The following UVRAG variants were observed in gnomAD, a reference collection of about 807,000 sequenced individuals.
UVRAG encodes UV radiation resistance associated.
In UVRAG, 19 loss-of-function variants were observed where a neutral mutation model predicts 78.0. That is an observed-to-expected ratio of 0.24 (90% CI 0.17 to 0.36). The LOEUF is 0.36. Ranked by LOEUF, UVRAG falls within the 10% of genes least tolerant of loss-of-function variation. UVRAG has a pLI of 1.00. For missense variants in UVRAG, 740 were observed against 853.8 expected, an observed-to-expected ratio of 0.87 and a Z score of 1.66; for synonymous variants, 323 against 324.6, an observed-to-expected ratio of 1.00 and a Z score of 0.05.
At chr11:76,042,759 G>T (rs999687762) in intron 12 of UVRAG, among the ~76,000 whole-genome samples, 1 of 152,170 alleles carries the variant, frequency 6.6e-6, no homozygotes, top group Non-Finnish European at 1.5e-5. Context: ...AAGGGAGTTT[G>T]CCCTTACCTA....
intron 12 of UVRAG, among the ~76,000 whole-genome samples, chr11:76,030,410 G>A (rs1029641353): frequency 6.6e-5 from 10 of 152,256 alleles, no homozygotes; most frequent in East Asian, 3.9e-4. Context: ...CAAATAGGCC[G>A]AGAGTTAACT....
intron 5 of UVRAG, chr11:75,892,419 A>G (rs1180532125): frequency 3.1e-6 from 3 of 982,724 alleles, no homozygotes; most frequent in Non-Finnish European, 3.6e-6. Context: ...TAACGGGAAT[A>G]ATAGCTAGTA....
intron 1 of UVRAG, among the ~76,000 whole-genome samples, chr11:75,816,304 CT>C (rs964052137): frequency 6.6e-5 from 10 of 152,198 alleles, no homozygotes; most frequent in African/African-American, 2.4e-4. Flanking sequence ...TGACAAAACT[CT>C]TTGTTTCACT....
At chr11:76,016,767 TTATAAGGTAAA>T in intron 11 of UVRAG, 37 bp from the exon 12 acceptor site, 1 of 1,455,610 alleles carries the variant, frequency 6.9e-7, no homozygotes, top group Non-Finnish European at 9.2e-7. Context: ...TTATGGTTAT[TTATAAGGTAAA>T]TAGTTATTTT....
chr11:76,133,024 A>G (rs1321990669), intron 14 of UVRAG, among the ~76,000 whole-genome samples: 3 of 152,214 alleles, frequency 2.0e-5, no homozygotes, highest in African/African-American at 7.2e-5. Context: ...CAGTTTCTTC[A>G]TCTGTAAAAT....
chr11:75,918,969 T>C (rs1204278142), intron 6 of UVRAG, among the ~76,000 whole-genome samples: 9 of 152,226 alleles, frequency 5.9e-5, no homozygotes, highest in Admixed American at 5.9e-4. Context: ...TTTTGTGACT[T>C]TCAATCCAAC....
At chr11:75,896,466 A>G (rs996138122) in intron 5 of UVRAG, among the ~76,000 whole-genome samples, 2 of 152,202 alleles carry the variant, frequency 1.3e-5, no homozygotes, top group African/African-American at 2.4e-5. Flanking sequence ...GCACAGTCCT[A>G]GTCGTTAGGA....
At position 76,142,925 on chromosome 11, in the gene UVRAG, G is replaced by A. The variant is rs1051740005; in HGVS notation, c.*1512G>A. 3 of 152,254 alleles carry A rather than the reference G, an allele frequency of 2.0e-5. No individual in the cohort carries two copies. The highest frequency in any genetic ancestry group is 7.2e-5 in the African/African-American group (3 of 41,450). 9.4% of individuals were successfully genotyped at this position (152,254 alleles called of 1,614,324 possible). ...TTCCTGGGCTCAAGTTTAATGTATA[G>A]CTACATTGTTGTTTTCCATGTAGAG... On this transcript the variant is annotated 3_prime_UTR_variant, in exon 15 of 15. Coordinates refer to ENST00000356136, the MANE Select transcript of UVRAG (RefSeq NM_003369.4).
chr11:76,139,297 C>T (rs1952659122), intron 14 of UVRAG, among the ~76,000 whole-genome samples: 1 of 152,142 alleles, frequency 6.6e-6, no homozygotes, highest in Admixed American at 6.5e-5. Flanking sequence ...GGAAGAAACC[C>T]CAGATCTCTT....
At chr11:76,137,235 T>A (rs1952612298) in intron 14 of UVRAG, 1 of 431,948 alleles carries the variant, frequency 2.3e-6, no homozygotes, top group Non-Finnish European at 4.6e-6. Flanking sequence ...AGAAAGGGTA[T>A]AGTGGCCACT....
intron 1 of UVRAG, among the ~76,000 whole-genome samples, chr11:75,834,691 G>A (rs1166676277): frequency 2.6e-5 from 4 of 152,068 alleles, no homozygotes; most frequent in Non-Finnish European, 5.9e-5. Flanking sequence ...GCACGTGCCT[G>A]TAGTCCTGGT....
chr11:75,877,539 G>T (rs1221774926), intron 3 of UVRAG, among the ~76,000 whole-genome samples: 12 of 146,212 alleles, frequency 8.2e-5, no homozygotes, highest in African/African-American at 2.5e-4. Context: ...CCCGGACGGG[G>T]TGGCTGGCCG....
intron 3 of UVRAG, among the ~76,000 whole-genome samples, chr11:75,876,849 AT>A (rs1384622829): frequency 6.6e-6 from 1 of 150,620 alleles, no homozygotes; most frequent in Non-Finnish European, 1.5e-5. Flanking sequence ...TTTATTTTTT[AT>A]TTTTTATTTT....
chr11:76,008,053 G>A (rs961406433), intron 10 of UVRAG, among the ~76,000 whole-genome samples: 6 of 151,980 alleles, frequency 3.9e-5, no homozygotes, highest in Non-Finnish European at 5.9e-5. Context: ...GACTGCAGGC[G>A]CCCGCCACCA....
intron 1 of UVRAG, among the ~76,000 whole-genome samples, chr11:75,825,802 G>T (rs1315774284): frequency 6.6e-6 from 1 of 151,880 alleles, no homozygotes; most frequent in Non-Finnish European, 1.5e-5. Flanking sequence ...CTTGTGAACA[G>T]TTCCACTGTT....
intron 14 of UVRAG, among the ~76,000 whole-genome samples, chr11:76,135,916 G>T (rs1952590414): frequency 6.6e-6 from 1 of 152,182 alleles, no homozygotes; most frequent in Non-Finnish European, 1.5e-5. Flanking sequence ...GGTTGTCTAA[G>T]GGTTGAGGCT....
chr11:76,075,572 A>G (rs1248822168), intron 13 of UVRAG, among the ~76,000 whole-genome samples: 1 of 151,946 alleles, frequency 6.6e-6, no homozygotes, highest in East Asian at 1.9e-4. Flanking sequence ...GAGCCATGCC[A>G]CTGCACTCCA....
chr11:75,877,917 C>G (rs1401360184), intron 3 of UVRAG, among the ~76,000 whole-genome samples: 2 of 147,882 alleles, frequency 1.4e-5, no homozygotes, highest in Admixed American at 6.7e-5. Context: ...GGGGGCTGAC[C>G]CCCCCACCTC....
At chr11:75,887,906 T>C (rs1947125268) in intron 4 of UVRAG, among the ~76,000 whole-genome samples, 1 of 152,084 alleles carries the variant, frequency 6.6e-6, no homozygotes, top group African/African-American at 2.4e-5. Flanking sequence ...AAAGTTTTAT[T>C]CTTCCACCTT....
Sources: gnomAD v4.1 joint callset for allele counts (sites outside exome capture counted in the v4.1 genomes callset) on GRCh38, gnomAD v4.1.1 for gene constraint, MANE v1.5 for transcripts, NCBI Gene and HGNC (gene_info 2026-07-23, HGNC 2026-07-21) for gene names.